TOX: variants seen among roughly 807,000 people sequenced by gnomAD.
TOX encodes thymocyte selection-associated high mobility group box protein TOX.
A neutral mutation model predicts 53.7 loss-of-function variants in TOX; 11 were observed. The observed-to-expected ratio is 0.20, with a 90% CI of 0.13 to 0.34. The LOEUF (loss-of-function observed/expected upper bound fraction) is 0.34. Ranked by LOEUF, TOX falls within the 10% of genes least tolerant of loss-of-function variation. The pLI, the probability that TOX is intolerant of heterozygous loss-of-function variation, is 1.00. For synonymous variants in TOX, 225 were observed against 245.3 expected, an observed-to-expected ratio of 0.92 and a Z score of 0.77; for missense variants, 570 against 664.6, an observed-to-expected ratio of 0.86 and a Z score of 1.56.
chr8:58,818,253 A>G (rs923775136), intron 6 of TOX, among the ~76,000 whole-genome samples: 3 of 152,208 alleles, frequency 2.0e-5, no homozygotes, highest in Non-Finnish European at 2.9e-5. Context: ...AGTAACTTTT[A>G]ATCACTAGAA....
intron 1 of TOX, among the ~76,000 whole-genome samples, chr8:59,108,122 A>G (rs1304239724): frequency 7.2e-5 from 11 of 152,192 alleles, no homozygotes; most frequent in Admixed American, 3.3e-4. Flanking sequence ...AACATAAAAG[A>G]CTTGCTTCAC....
At chr8:59,009,180 T>C (rs991108432) in intron 1 of TOX, among the ~76,000 whole-genome samples, 2 of 151,892 alleles carry the variant, frequency 1.3e-5, no homozygotes, top group Non-Finnish European at 2.9e-5. Context: ...TCATCTCTCC[T>C]TTCTTTATTC....
At position 59,036,266 on chromosome 8, in the gene TOX, T is replaced by C. The variant is rs145358195; in HGVS notation, c.103-76258A>G. Among the ~76,000 whole-genome samples, 255 of 152,252 alleles carry C rather than the reference T, an allele frequency of 1.7e-3. 2 individuals carry two copies. The highest frequency in any genetic ancestry group is 5.9e-3 in the African/African-American group (244 of 41,536). ...ACGTTCTTTACTCTTGGGAAGGAAA[T>C]GCAGTATCTAAAGGCATGAAGAATA... On this transcript the variant is annotated intron_variant, in intron 1 of 8. Coordinates refer to ENST00000361421, the MANE Select transcript of TOX (RefSeq NM_014729.3).
chr8:58,921,981 G>A (rs915353313), intron 3 of TOX, among the ~76,000 whole-genome samples: 1 of 152,190 alleles, frequency 6.6e-6, no homozygotes, highest in Non-Finnish European at 1.5e-5. Flanking sequence ...GTACCCAGGG[G>A]TGGGAAGAAT....
chr8:58,868,595 T>C (rs946037015), intron 3 of TOX, among the ~76,000 whole-genome samples: 10 of 152,092 alleles, frequency 6.6e-5, no homozygotes, highest in Non-Finnish European at 1.3e-4. Flanking sequence ...AAAATAGTTA[T>C]TTAAAATTTC....
chr8:58,848,877 A>T (rs1288607221), intron 4 of TOX, among the ~76,000 whole-genome samples: 1 of 152,174 alleles, frequency 6.6e-6, no homozygotes, highest in Admixed American at 6.6e-5. Context: ...GCTTAAAGAC[A>T]GCACAAAGTG....
rs1044212509 is a variant in TOX, at chr8:59,118,140, A to G, written c.102+746T>C. ...CCCGAGGTCAGCGGGCCGTGGGTAC[A>G]GCTCAGCCGCGGACCCTGCTCCGCG... is the stretch of plus-strand genomic sequence containing the variant. On this transcript the variant is annotated intron_variant, in intron 1 of 8. Coordinates refer to ENST00000361421, the MANE Select transcript of TOX (RefSeq NM_014729.3). This position sits in a 1 kb window ranked among gnomAD's most constrained non-coding sequence, Gnocchi z 4.1. 6.6e-6 allele frequency among the ~76,000 whole-genome samples: 1 copy of G among 152,190 alleles called. No homozygotes were observed. The highest frequency in any genetic ancestry group is 2.4e-5 in the African/African-American group (1 of 41,454).
chr8:58,966,136 G>A (rs1230877612), intron 1 of TOX, among the ~76,000 whole-genome samples: 1 of 152,048 alleles, frequency 6.6e-6, no homozygotes, highest in Non-Finnish European at 1.5e-5. Flanking sequence ...GATGTCAGGA[G>A]GCACTGGAGA....
intron 1 of TOX, among the ~76,000 whole-genome samples, chr8:59,088,023 G>A (rs1027368806): frequency 7.2e-5 from 11 of 152,048 alleles, no homozygotes; most frequent in Non-Finnish European, 1.6e-4. Context: ...CCTCAAGAAA[G>A]TGTCAAATAT....
chr8:58,988,771 G>A (rs1813385729), intron 1 of TOX, among the ~76,000 whole-genome samples: 1 of 152,118 alleles, frequency 6.6e-6, no homozygotes, highest in Admixed American at 6.6e-5. Context: ...GTTGAAGTGA[G>A]GTGTGTTATT....
In TOX at chr8:58,939,550, A is replaced by C. The variant is rs1271086212; in HGVS notation, c.169-6T>G. On this transcript the variant is annotated splice_polypyrimidine_tract_variant and splice_region_variant and intron_variant, in intron 2 of 8. Coordinates refer to ENST00000361421, the MANE Select transcript of TOX (RefSeq NM_014729.3). ...AGGCTTGGACCAGGGTAGGACTGTG[A>C]AAAGACAAAAGTGACATTGTTGCAA... is the stretch of plus-strand genomic sequence containing the variant. 6.3e-7 allele frequency: 1 copy of C among 1,599,106 alleles called. No homozygotes were observed. Among genetic ancestry groups the C allele is most frequent in the Non-Finnish European group, 8.5e-7 (1 of 1,170,988 alleles).
intron 6 of TOX, among the ~76,000 whole-genome samples, chr8:58,816,860 T>G (rs1251263025): frequency 6.6e-6 from 1 of 152,168 alleles, no homozygotes; most frequent in Non-Finnish European, 1.5e-5. Flanking sequence ...GGGTTCATCA[T>G]GCACGACAGC....
intron 3 of TOX, among the ~76,000 whole-genome samples, chr8:58,888,927 C>A (rs1811515945): frequency 1.3e-5 from 2 of 151,752 alleles, no homozygotes; most frequent in African/African-American, 4.8e-5. Flanking sequence ...TTCATTCAAG[C>A]AAAAGAAAAT....
intron 3 of TOX, among the ~76,000 whole-genome samples, chr8:58,886,954 G>A (rs993707956): frequency 4.6e-5 from 7 of 151,708 alleles, no homozygotes; most frequent in African/African-American, 1.4e-4. Flanking sequence ...GGAAACATTA[G>A]GTTTCCTCTG....
At chr8:59,112,099 G>T (rs1288420049) in intron 1 of TOX, among the ~76,000 whole-genome samples, 3 of 152,118 alleles carry the variant, frequency 2.0e-5, no homozygotes, top group African/African-American at 7.2e-5. Flanking sequence ...AAGAAGTGTG[G>T]GAAATAGTGA....
intron 3 of TOX, among the ~76,000 whole-genome samples, chr8:58,903,607 T>A (rs1385224151): frequency 1.3e-5 from 2 of 152,172 alleles, no homozygotes; most frequent in Non-Finnish European, 2.9e-5. Flanking sequence ...GCTTTCCAAG[T>A]TTAATAAGGG....
chr8:58,942,015 G>A (rs1812450493), intron 2 of TOX, among the ~76,000 whole-genome samples: 1 of 144,108 alleles, frequency 6.9e-6, no homozygotes, highest in Non-Finnish European at 1.5e-5. Flanking sequence ...AGCGTGCCAC[G>A]ACACTCCAGC....
intron 3 of TOX, among the ~76,000 whole-genome samples, chr8:58,869,873 A>G (rs1444101542): frequency 6.6e-6 from 1 of 151,582 alleles, no homozygotes; most frequent in African/African-American, 2.4e-5. Flanking sequence ...AAAATATAAC[A>G]CCATGCATGA....
chr8:58,910,298 C>T (rs769335262), intron 3 of TOX, among the ~76,000 whole-genome samples: 9 of 152,010 alleles, frequency 5.9e-5, no homozygotes, highest in East Asian at 1.9e-4. Context: ...TTGGATTTTC[C>T]GCATTTTTTT....
Sources: gnomAD v4.1 joint callset for allele counts (sites outside exome capture counted in the v4.1 genomes callset) on GRCh38, gnomAD v4.1.1 for gene constraint, Gnocchi (gnomAD v3.1) non-coding constraint, MANE v1.5 for transcripts, NCBI Gene and HGNC (gene_info 2026-07-23, HGNC 2026-07-21) for gene names.